Variants in GDPD5 observed in about 807,000 individuals in gnomAD.
GDPD5 encodes the protein glycerophosphodiester phosphodiesterase 2.
In GDPD5, 48 loss-of-function variants were observed where a neutral mutation model predicts 75.1. That is an observed-to-expected ratio of 0.64 (90% confidence interval 0.51 to 0.81). GDPD5 has a LOEUF of 0.81. Ranked by LOEUF, GDPD5 falls within the 40% of genes least tolerant of loss-of-function variation. The probability of loss-of-function intolerance (pLI) is 0.00; values close to 1 mark genes in which losing one functional copy is unlikely to be tolerated. For missense variants in GDPD5, 706 were observed against 822.6 expected, an observed-to-expected ratio of 0.86 and a Z score of 1.73; for synonymous variants, 336 against 339.0, an observed-to-expected ratio of 0.99 and a Z score of 0.10.
chr11:75,457,790 C>A lies in GDPD5; in HGVS notation c.222-4G>T, dbSNP rs557765485. 2 of 1,613,120 alleles carry A rather than the reference C, an allele frequency of 1.2e-6. No homozygotes were observed. The highest frequency in any genetic ancestry group is 2.7e-5 in the African/African-American group (2 of 74,996). On this transcript the variant is annotated splice_polypyrimidine_tract_variant and splice_region_variant and intron_variant, in intron 4 of 16. Coordinates refer to ENST00000336898, the MANE Select transcript of GDPD5 (RefSeq NM_030792.8). ...GCCCATGCGGTTGTAGAGGTACCTGCCAGGAGGAGAGGGGGCAGGGGTCAG... is the reference window on the plus strand; with the variant it reads ...GCCCATGCGGTTGTAGAGGTACCTGACAGGAGGAGAGGGGGCAGGGGTCAG...
rs182035726 is a variant in GDPD5 at position 75,456,396 on chromosome 11, G to T, written c.375+361C>A. On this transcript the variant is annotated intron_variant, in intron 6 of 16. Transcript: ENST00000336898. The stretch of plus-strand genomic sequence containing the variant: ...CCGAGGCAGGGCCCCCAGAGGGTGG[G>T]TGCCACAGTATGAGCTGTGAGCTCT... The T allele has an allele frequency of 4.7e-4, 108 of 232,008 alleles. No individual in the cohort carries two copies. In the East Asian group the frequency reaches 7.5e-3, roughly 16 times the overall value. 14.4% of individuals were successfully genotyped at this position (232,008 alleles called of 1,614,324 possible).
intron 1 of GDPD5, among the ~76,000 whole-genome samples, chr11:75,497,364 C>T (rs1029042853): frequency 6.6e-6 from 1 of 152,162 alleles, no homozygotes; most frequent in Non-Finnish European, 1.5e-5. Context: ...CTCCCGGCCT[C>T]ACCCCCAGCC....
intron 3 of GDPD5, among the ~76,000 whole-genome samples, chr11:75,468,855 G>A (rs1417581144): frequency 2.6e-5 from 4 of 152,180 alleles, no homozygotes; most frequent in East Asian, 3.9e-4. Context: ...TTTTCCCACC[G>A]GCTGTGTGGC....
At chr11:75,512,418 G>A (rs568841735) in intron 1 of GDPD5, among the ~76,000 whole-genome samples, 1 of 152,110 alleles carries the variant, frequency 6.6e-6, no homozygotes, top group African/African-American at 2.4e-5. Context: ...AGAAACCAGA[G>A]TTGAACACAT....
At chr11:75,458,292 G>A (rs1259353185) in intron 4 of GDPD5, among the ~76,000 whole-genome samples, 2 of 152,234 alleles carry the variant, frequency 1.3e-5, no homozygotes, top group Non-Finnish European at 2.9e-5. Flanking sequence ...ATGTTAAGAT[G>A]TGAAAATTGG....
chr11:75,519,759 G>C (rs1950717410), intron 1 of GDPD5, among the ~76,000 whole-genome samples: 1 of 152,324 alleles, frequency 6.6e-6, no homozygotes, highest in East Asian at 1.9e-4. Context: ...CCTGCCTCAG[G>C]AGCCTGCTTC....
In GDPD5 at chr11:75,478,764, G is replaced by C. The variant is rs1306572797; in HGVS notation, c.-60-969C>G. On this transcript the variant is annotated intron_variant, in intron 2 of 16. Coordinates refer to ENST00000336898, the MANE Select transcript of GDPD5 (RefSeq NM_030792.8). ...TGTGTTGAGCACTTAAAATACACCA[G>C]GCACCGTGTAAATACTTTACATTCA... Among the ~76,000 whole-genome samples the C allele has an allele frequency of 2.0e-5, 3 of 152,302 alleles. No individual in the cohort carries two copies. In the East Asian group the frequency reaches 5.8e-4, roughly 29 times the overall value.
At chr11:75,509,562 T>A (rs1273148922) in intron 1 of GDPD5, among the ~76,000 whole-genome samples, 1 of 152,174 alleles carries the variant, frequency 6.6e-6, no homozygotes, top group Non-Finnish European at 1.5e-5. Context: ...GTTTGTGGAG[T>A]AAGTCAGTTT....
intron 2 of GDPD5, among the ~76,000 whole-genome samples, chr11:75,482,886 C>A (rs1949947918): frequency 6.6e-6 from 1 of 152,230 alleles, no homozygotes; most frequent in East Asian, 1.9e-4. Flanking sequence ...TCTGCATTAA[C>A]CCCATGTCCC....
chr11:75,458,677 T>A (rs1565193336), intron 4 of GDPD5, among the ~76,000 whole-genome samples: 1 of 145,818 alleles, frequency 6.9e-6, no homozygotes, highest in Non-Finnish European at 1.5e-5. Context: ...GTCTCAAAAA[T>A]AAATAAATAA....
chr11:75,461,234 C>T (rs889114446), intron 4 of GDPD5, among the ~76,000 whole-genome samples: 2 of 152,234 alleles, frequency 1.3e-5, no homozygotes, highest in East Asian at 1.9e-4. Flanking sequence ...CTGTCTGGGT[C>T]TGCAGTTGAG....
At chr11:75,441,935 G>T in intron 12 of GDPD5, 132 bp from the exon 13 acceptor site, 1 of 921,078 alleles carries the variant, frequency 1.1e-6, no homozygotes, top group Non-Finnish European at 1.6e-6. Context: ...GAAGTCATTA[G>T]CAGGGCAGGA....
chr11:75,506,036 C>T (rs574475586), intron 1 of GDPD5, among the ~76,000 whole-genome samples: 1 of 152,328 alleles, frequency 6.6e-6, no homozygotes, highest in African/African-American at 2.4e-5. Flanking sequence ...ACCAGCTGGG[C>T]CTCTGTGTCC....
chr11:75,509,304 T>C (rs1233053589), intron 1 of GDPD5, among the ~76,000 whole-genome samples: 1 of 152,234 alleles, frequency 6.6e-6, no homozygotes, highest in Non-Finnish European at 1.5e-5. Flanking sequence ...CAGCACCATC[T>C]TTCTTTCTGT....
chr11:75,458,686 A>AAATAAATAAATT (rs1294376637), intron 4 of GDPD5, among the ~76,000 whole-genome samples: 1 of 151,566 alleles, frequency 6.6e-6, no homozygotes, highest in Non-Finnish European at 1.5e-5. Context: ...ATAAATAAAT[A>AAATAAATAAATT]AATAAATAAA....
Position 75,449,645 on chromosome 11 carries a change from G to A in GDPD5, c.475-35C>T, listed in dbSNP as rs374364380. ...GGGAGAGGGAAGGGAGACCAGTAAC[G>A]CCCAGCTCTGCCCAGACCCTGTGTC... On this transcript the variant is annotated intron_variant, in intron 7 of 16. Coordinates refer to ENST00000336898, the MANE Select transcript of GDPD5 (RefSeq NM_030792.8). 169 of 1,540,744 alleles carry A rather than the reference G, an allele frequency of 1.1e-4. No homozygotes were observed. In the African/African-American group the frequency reaches 1.8e-3, roughly 16 times the overall value.
intron 1 of GDPD5, among the ~76,000 whole-genome samples, chr11:75,521,104 G>A (rs1019595558): frequency 6.6e-6 from 1 of 152,166 alleles, no homozygotes; most frequent in African/African-American, 2.4e-5. Context: ...GGAGCTACAG[G>A]GGAGCTCAGA....
chr11:75,435,662 G>A lies in GDPD5; in HGVS notation c.1670-7C>T, dbSNP rs766614363. ...TCTACACCATCGCTGATCTCTGCTG[G>A]GCCAGAGGGAGACAGAATGTGAGTC... On this transcript the variant is annotated splice_region_variant and splice_polypyrimidine_tract_variant and intron_variant, in intron 16 of 16. Transcript: ENST00000336898. The A allele has an allele frequency of 1.3e-6, 2 of 1,592,680 alleles. No individual in the cohort carries two copies. The highest frequency in any genetic ancestry group is 2.3e-5 in the South Asian group (2 of 88,444).
chr11:75,512,940 T>G (rs185328969), intron 1 of GDPD5, among the ~76,000 whole-genome samples: 1 of 152,280 alleles, frequency 6.6e-6, no homozygotes, highest in Non-Finnish European at 1.5e-5. Context: ...CTTAGCTGCT[T>G]CTTCTGGAAA....
Sources: allele counts gnomAD v4.1 joint callset (sites outside exome capture counted in the v4.1 genomes callset), GRCh38; gene constraint gnomAD v4.1.1; transcripts MANE v1.5; gene names NCBI Gene and HGNC (gene_info 2026-07-23, HGNC 2026-07-21).